Variants in SLC36A1 observed in about 807,000 individuals in gnomAD.
SLC36A1 encodes the protein proton-coupled amino acid transporter 1.
Under a neutral mutation model 47.5 loss-of-function variants are expected in SLC36A1, and 30 were observed. That is an observed-to-expected ratio of 0.63 (90% CI 0.47 to 0.86). SLC36A1 has a LOEUF of 0.86. Among genes scored for constraint, SLC36A1 ranks in the 40% least tolerant of loss-of-function variants. SLC36A1 has a pLI of 0.00. For missense variants in SLC36A1, 517 were observed against 606.0 expected (o/e 0.85, Z 1.54); for synonymous variants, 255 against 249.7 (o/e 1.02, Z -0.20).
At chr5:151,479,570 GTGTGT>G in intron 10 of SLC36A1, 81 bp downstream of exon 10, 1 of 1,496,820 alleles carries the variant, frequency 6.7e-7, no homozygotes, top group African/African-American at 1.4e-5. Context: ...AAAAGACAAT[GTGTGT>G]TGTAGTGAAG....
chr5:151,555,748 A>G, the SLC36A1 span, among the ~76,000 whole-genome samples: 1 of 152,212 alleles, frequency 6.6e-6, no homozygotes, highest in Non-Finnish European at 1.5e-5. Context: ...TTTCCTGCTG[A>G]GGAATATGTA....
chr5:151,542,661 A>G, the SLC36A1 span: 2 of 1,614,062 alleles, frequency 1.2e-6, no homozygotes, highest in Non-Finnish European at 1.7e-6. Context: ...TGTCCTTGTC[A>G]ATGGCAGTCA....
chr5:151,546,247 G>A, the SLC36A1 span: 1 of 1,614,152 alleles, frequency 6.2e-7, no homozygotes, highest in Non-Finnish European at 8.5e-7. Flanking sequence ...CACTGTCAGA[G>A]TATGTGGGGC....
intron 9 of SLC36A1, chr5:151,477,665 G>A (rs1389117930): frequency 6.6e-6 from 1 of 152,192 alleles, no homozygotes; most frequent in Non-Finnish European, 1.5e-5. Context: ...TGCAGTATGT[G>A]TGACATTTGG....
intron 4 of SLC36A1, 74 bp downstream of exon 4, chr5:151,464,676 C>A: frequency 8.0e-7 from 1 of 1,250,360 alleles, no homozygotes; most frequent in Non-Finnish European, 1.2e-6. Context: ...TGAAAATGAG[C>A]ACTGATGCAG....
At chr5:151,404,372 C>T in the SLC36A1 span, among the ~76,000 whole-genome samples, 6 of 152,194 alleles carry the variant, frequency 3.9e-5, no homozygotes, top group Admixed American at 1.3e-4. Flanking sequence ...ATCCAACTTC[C>T]CACTTTGTGC....
the SLC36A1 span, chr5:151,512,556 A>T: frequency 1.2e-6 from 2 of 1,614,096 alleles, no homozygotes; most frequent in Non-Finnish European, 1.7e-6. This position sits in a 1 kb window ranked among gnomAD's most constrained non-coding sequence, Gnocchi z 4.1. Context: ...AAAGGTTTCC[A>T]TAGAAACCAC....
the SLC36A1 span, among the ~76,000 whole-genome samples, chr5:151,349,485 C>T: frequency 6.6e-6 from 1 of 152,158 alleles, no homozygotes; most frequent in South Asian, 2.1e-4. Flanking sequence ...GAAGCTGTGG[C>T]AACCCTTGGA....
the SLC36A1 span, chr5:151,529,150 C>T: frequency 6.2e-7 from 1 of 1,606,158 alleles, no homozygotes; most frequent in Non-Finnish European, 8.5e-7. Flanking sequence ...GTTCTTGTCC[C>T]ACAAAGAGCA....
At chr5:151,537,002 A>T in the SLC36A1 span, among the ~76,000 whole-genome samples, 2 of 151,288 alleles carry the variant, frequency 1.3e-5, no homozygotes, top group Non-Finnish European at 2.9e-5. Context: ...CCTTTCCCCC[A>T]CTCTCTTACC....
chr5:151,379,292 GT>G, the SLC36A1 span, among the ~76,000 whole-genome samples: 3 of 152,242 alleles, frequency 2.0e-5, no homozygotes, highest in East Asian at 1.9e-4. Context: ...AGTAGGCGAT[GT>G]TTTTTTCCTA....
At chr5:151,554,102 C>G in the SLC36A1 span, among the ~76,000 whole-genome samples, 2 of 152,198 alleles carry the variant, frequency 1.3e-5, no homozygotes, top group Non-Finnish European at 2.9e-5. Context: ...GGTTCCAAAG[C>G]CCCTGTTACT....
the SLC36A1 span, chr5:151,521,605 C>T: frequency 3.1e-6 from 5 of 1,614,182 alleles, no homozygotes; most frequent in East Asian, 2.2e-5. Flanking sequence ...AATGTTAGCC[C>T]GTTTGATGTC....
At chr5:151,374,076 C>T in the SLC36A1 span, among the ~76,000 whole-genome samples, 36 of 152,300 alleles carry the variant, frequency 2.4e-4, no homozygotes, top group East Asian at 6.9e-3. Flanking sequence ...AAGGCCCTTG[C>T]ACCAGCAGCG....
chr5:151,360,323 G>T, the SLC36A1 span, among the ~76,000 whole-genome samples: 1 of 152,116 alleles, frequency 6.6e-6, no homozygotes, highest in Non-Finnish European at 1.5e-5. Context: ...TATGTTATAT[G>T]TATTATATAT....
the SLC36A1 span, among the ~76,000 whole-genome samples, chr5:151,405,436 A>C: frequency 6.9e-6 from 1 of 145,190 alleles, no homozygotes; most frequent in African/African-American, 2.6e-5. Context: ...TGTAGCCTCA[A>C]CCTCCTGGGC....
At chr5:151,402,275 A>G in the SLC36A1 span, among the ~76,000 whole-genome samples, 1 of 152,034 alleles carries the variant, frequency 6.6e-6, no homozygotes, top group Non-Finnish European at 1.5e-5. Flanking sequence ...ATTCTATTCT[A>G]TTTATTTGGT....
chr5:151,432,045 C>T, the SLC36A1 span, among the ~76,000 whole-genome samples: 28 of 152,316 alleles, frequency 1.8e-4, no homozygotes, highest in African/African-American at 6.5e-4. Context: ...ACCGCACACA[C>T]AGAGGCCCTC....
At chr5:151,495,244 G>A (rs1176405039), downstream of SLC36A1, among the ~76,000 whole-genome samples, 1 of 152,072 alleles carries the variant, frequency 6.6e-6, no homozygotes, top group African/African-American at 2.4e-5. Context: ...GTGATGTTTT[G>A]CACCTCTTTA....
Sources: allele counts gnomAD v4.1 joint callset (sites outside exome capture counted in the v4.1 genomes callset), GRCh38; gene constraint gnomAD v4.1.1; non-coding constraint Gnocchi (gnomAD v3.1); transcripts MANE v1.5; gene names NCBI Gene and HGNC (gene_info 2026-07-23, HGNC 2026-07-21).